FAM135A: variants seen among roughly 807,000 people sequenced by gnomAD.
The protein encoded by FAM135A is family with sequence similarity 135 member A.
In FAM135A, 79 loss-of-function variants were observed where a neutral mutation model predicts 146.8. That is an observed-to-expected ratio of 0.54 (90% confidence interval 0.45 to 0.65). The LOEUF is 0.65. Ranked by LOEUF, FAM135A falls within the 30% of genes least tolerant of loss-of-function variation. The probability of loss-of-function intolerance (pLI) is 0.00; values close to 1 mark genes in which losing one functional copy is unlikely to be tolerated. For synonymous variants in FAM135A, 562 were observed against 603.6 expected, an observed-to-expected ratio of 0.93 and a Z score of 1.01; for missense variants, 1,623 against 1,758.2, an observed-to-expected ratio of 0.92 and a Z score of 1.38.
rs142180295 is a variant in FAM135A, at chr6:70,525,876, C to G, written c.2792C>G (p.Ser931Cys). The G allele has an allele frequency of 5.9e-5, 95 of 1,612,546 alleles. No homozygotes were observed. The African/African-American group carries it at 1.1e-3, about 18-fold the overall frequency. The change falls in exon 15 of 22, where the codon TCC becomes TGC. Residue 931 changes from serine (S) to cysteine (C), a missense_variant. By Grantham distance (112) the Ser-to-Cys change is moderately radical. Around this residue, in one of 7 missense-constraint regions of FAM135A, gnomAD observed 1,061 missense variants for 1,113.8 expected, o/e 0.95. Transcript: ENST00000418814. ...TTTGTTTTTTCAGATGAAGAGACTT[C>G]CAGTGATGTGAAAAGTAGTTGCAGC... is the stretch of plus-strand genomic sequence containing the variant. ...LQFVFSDEET[S>C]SDVKSSCSSK...
At chr6:70,515,916 G>A (rs1018776963) in intron 12 of FAM135A, among the ~76,000 whole-genome samples, 1 of 151,546 alleles carries the variant, frequency 6.6e-6, no homozygotes, top group Admixed American at 6.6e-5. Flanking sequence ...ACCTAAAACT[G>A]CTGTAAAAAA....
chr6:70,533,902 G>C (rs375776615), intron 18 of FAM135A, 48 bp downstream of exon 18: 1 of 1,010,690 alleles, frequency 9.9e-7, no homozygotes, highest in South Asian at 2.1e-5. Flanking sequence ...TCTATGAATT[G>C]TATAAAAGTT....
chr6:70,518,299 G>A (rs951350363), intron 12 of FAM135A, among the ~76,000 whole-genome samples: 1 of 152,178 alleles, frequency 6.6e-6, no homozygotes, highest in Non-Finnish European at 1.5e-5. Flanking sequence ...TTCTATGAAG[G>A]CTGAAAGGTA....
In FAM135A at chr6:70,450,713, G is replaced by GTTTTT. The variant is rs1192559967; in HGVS notation, c.78-1777_78-1776insTTTTT. Among the ~76,000 whole-genome samples the GTTTTT allele has an allele frequency of 9.0e-4, 27 of 29,842 alleles. 1 individual carries two copies. Among genetic ancestry groups the GTTTTT allele is most frequent in the East Asian group, 3.2e-3 (2 of 624 alleles). The allele number at this position is 29,842 out of a possible 152,430, so 19.6% of individuals were successfully genotyped here. A position where few individuals can be genotyped will look rare whatever the true frequency, so the allele number is the denominator to read the frequency against. On this transcript the variant is annotated intron_variant, in intron 4 of 21. Coordinates refer to ENST00000418814, the MANE Select transcript of FAM135A (RefSeq NM_001162529.3). ...GAACTCAGGGAGTGTGACCCTTTTA[G>GTTTTT]TTGTTTTTTTTTTTTTTTTTTTTTT...
At chr6:70,545,109 A>T (rs974198906) in intron 20 of FAM135A, among the ~76,000 whole-genome samples, 1 of 152,130 alleles carries the variant, frequency 6.6e-6, no homozygotes, top group Non-Finnish European at 1.5e-5. Context: ...TATAGATTAC[A>T]GAAATTGACT....
In FAM135A at chr6:70,480,974, A is replaced by C; in HGVS notation, c.616A>C (p.Thr206Pro). The C allele has an allele frequency of 6.2e-7, 1 of 1,612,492 alleles. No homozygotes were observed. The highest frequency in any genetic ancestry group is 8.5e-7 in the Non-Finnish European group (1 of 1,179,182). The change falls in exon 9 of 22, where the codon ACT becomes CCT. Residue 206 changes from threonine (T) to proline (P), a missense_variant. This residue lies in a region of FAM135A where 206 missense variants were observed against 194.7 expected (regional missense o/e 1.06). Transcript: ENST00000418814. ...ACAAAACAAAGATTCCGTGATTCCT[A>C]CTCTTGAAAGTGTGGTCTTTGGTAT... ...PAQNKDSVIPTLESVVFGINY... is the reference protein window; with the variant it reads ...PAQNKDSVIPPLESVVFGINY...
At chr6:70,551,811 A>G (rs1002788178) in intron 20 of FAM135A, among the ~76,000 whole-genome samples, 29 of 152,220 alleles carry the variant, frequency 1.9e-4, no homozygotes, top group South Asian at 1.0e-3. Flanking sequence ...ACTGTCTTAC[A>G]TAGGCATGGT....
chr6:70,487,040 G>A (rs568714984), intron 10 of FAM135A, among the ~76,000 whole-genome samples: 4 of 128,132 alleles, frequency 3.1e-5, no homozygotes, highest in African/African-American at 1.3e-4. Context: ...CCAAGATCGT[G>A]CCACTGCACT....
rs149176275 is a variant in FAM135A at position 70,484,968 on chromosome 6, T to C, written c.823+2814T>C. 4.1e-3 allele frequency among the ~76,000 whole-genome samples: 630 copies of C among 152,328 alleles called. 11 individuals are homozygous for C. Among genetic ancestry groups the C allele is most frequent in the East Asian group, 0.03 (154 of 5,190 alleles). ...GCTTATAGATGTAATATAGAAAGTATCGTAATAAAAGTGCCCTTATATTTA... is the reference window on the plus strand; with the variant it reads ...GCTTATAGATGTAATATAGAAAGTACCGTAATAAAAGTGCCCTTATATTTA... On this transcript the variant is annotated intron_variant, in intron 10 of 21. Transcript: ENST00000418814.
At chr6:70,447,908 A>G (rs1272332843) in intron 4 of FAM135A, among the ~76,000 whole-genome samples, 1 of 152,184 alleles carries the variant, frequency 6.6e-6, no homozygotes, top group Non-Finnish European at 1.5e-5. Context: ...GTGCTAGCAG[A>G]GTAGCCTTAT....
intron 20 of FAM135A, among the ~76,000 whole-genome samples, chr6:70,550,472 G>C (rs1172114873): frequency 6.6e-6 from 1 of 152,198 alleles, no homozygotes; most frequent in Non-Finnish European, 1.5e-5. Flanking sequence ...CTCCATGAGA[G>C]GTCTTGGTTG....
rs760868133 is a variant in FAM135A at position 70,524,946 on chromosome 6, C to T, written c.1862C>T (p.Ser621Phe). ...TCCATTTCAGGTAAACTTGATATCT[C>T]CCAGGACGATAGTGAAATTACACAA... ...NLSISGKLDI[S>F]QDDSEITQME... Residue 621 changes from serine (S) to phenylalanine (F), a missense_variant, in exon 15 of 22, where the codon TCC becomes TTC. Physicochemically the swap from Ser to Phe is radical, Grantham distance 155 (BLOSUM62 -2). Transcript: ENST00000418814. 1 of 1,608,684 alleles carries T rather than the reference C, an allele frequency of 6.2e-7. No individual in the cohort carries two copies. Among genetic ancestry groups the T allele is most frequent in the East Asian group, 2.2e-5 (1 of 44,854 alleles).
chr6:70,462,796 G>A lies in FAM135A; in HGVS notation c.157+10225G>A, dbSNP rs549902487. On this transcript the variant is annotated intron_variant, in intron 5 of 21. Transcript: ENST00000418814. ...GCAGTTTCAAAAAGTTAACATCAAG[G>A]AGAAAGGAAGGCTGGAAATAAGGGC... is the stretch of plus-strand genomic sequence containing the variant. 2.6e-5 allele frequency among the ~76,000 whole-genome samples: 4 copies of A among 152,280 alleles called. No homozygotes were observed. The South Asian group carries it at 6.2e-4, about 24-fold the overall frequency.
At chr6:70,499,407 C>G (rs554259108) in intron 11 of FAM135A, among the ~76,000 whole-genome samples, 16 of 152,292 alleles carry the variant, frequency 1.1e-4, no homozygotes, top group African/African-American at 3.4e-4. Flanking sequence ...TTGAATACAG[C>G]ACACCAATGG....
At chr6:70,497,802 C>G (rs1238061316) in intron 11 of FAM135A, among the ~76,000 whole-genome samples, 2 of 152,156 alleles carry the variant, frequency 1.3e-5, no homozygotes, top group African/African-American at 2.4e-5. Context: ...GTTGAACCAG[C>G]CTTGCATCTC....
At chr6:70,433,099 A>G (rs548489030) in intron 4 of FAM135A, among the ~76,000 whole-genome samples, 2 of 149,470 alleles carry the variant, frequency 1.3e-5, no homozygotes, top group Non-Finnish European at 3.0e-5. Flanking sequence ...TTTTTAAGAC[A>G]GTCTTTGCTC....
In FAM135A at chr6:70,475,648, G is replaced by A. The variant is rs77936274; in HGVS notation, c.298-15G>A. 7,669 of 1,604,054 alleles carry A rather than the reference G, an allele frequency of 4.8e-3. 331 individuals carry two copies. In the African/African-American group the frequency reaches 0.092, roughly 19 times the overall value. On this transcript the variant is annotated splice_polypyrimidine_tract_variant and intron_variant, in intron 6 of 21. Transcript: ENST00000418814. ...AAAATTTCAAAAAGTATCTCATAGT[G>A]TAATTTCTTTTCAGATTGAAGAAAC...
intron 5 of FAM135A, among the ~76,000 whole-genome samples, chr6:70,460,223 C>A (rs1406367159): frequency 6.6e-6 from 1 of 152,188 alleles, no homozygotes; most frequent in Non-Finnish European, 1.5e-5. Context: ...CCCTCTCCCC[C>A]AACCTTTTAA....
intron 5 of FAM135A, among the ~76,000 whole-genome samples, chr6:70,460,563 A>G (rs1582278570): frequency 6.6e-6 from 1 of 152,332 alleles, no homozygotes; most frequent in Admixed American, 6.5e-5. Flanking sequence ...TAGAATCGAA[A>G]TGACTATCCA....
Sources: gnomAD v4.1 joint callset for allele counts (sites outside exome capture counted in the v4.1 genomes callset) on GRCh38, gnomAD v4.1.1 for gene constraint, gnomAD v4.1.1 regional missense constraint, MANE v1.5 for transcripts, NCBI Gene and HGNC (gene_info 2026-07-23, HGNC 2026-07-21) for gene names.